The following HS3ST5 variants were observed in gnomAD, a reference collection of about 807,000 sequenced individuals.
HS3ST5 encodes heparan sulfate glucosamine 3-O-sulfotransferase 5.
HS3ST5 carries 10 observed loss-of-function variants against 25.4 expected under a neutral mutation model. The ratio of observed to expected loss-of-function variants is 0.39; its 90% CI spans 0.24 to 0.67. The LOEUF (loss-of-function observed/expected upper bound fraction) is 0.67. Among genes scored for constraint, HS3ST5 ranks in the 30% least tolerant of loss-of-function variants. The pLI is 0.44. For synonymous variants in HS3ST5, 170 were observed against 162.4 expected (o/e 1.05, Z -0.36); for missense variants, 324 against 420.7 (o/e 0.77, Z 2.01).
intron 1 of HS3ST5, among the ~76,000 whole-genome samples, chr6:114,273,182 G>A (rs187761896): frequency 6.6e-6 from 1 of 152,152 alleles, no homozygotes; most frequent in East Asian, 1.9e-4. Flanking sequence ...GTGGAGAAGG[G>A]GGTAAGTGGT....
At chr6:114,122,422 A>G (rs1193380579) in intron 3 of HS3ST5, among the ~76,000 whole-genome samples, 1 of 152,186 alleles carries the variant, frequency 6.6e-6, no homozygotes, top group African/African-American at 2.4e-5. Context: ...GGGTGGGGCT[A>G]AGTTTCAGAA....
At chr6:114,137,481 A>G (rs994785462) in intron 3 of HS3ST5, among the ~76,000 whole-genome samples, 3 of 152,158 alleles carry the variant, frequency 2.0e-5, no homozygotes, top group African/African-American at 7.2e-5. Context: ...TTGCTCCTGA[A>G]ATATCTGCTA....
At chr6:114,077,423 T>A (rs1774199472) in intron 3 of HS3ST5, among the ~76,000 whole-genome samples, 3 of 152,222 alleles carry the variant, frequency 2.0e-5, no homozygotes, top group Non-Finnish European at 2.9e-5. Flanking sequence ...TTCACTGCAT[T>A]AAACAATTGT....
At chr6:114,213,323 TG>T (rs1781600465) in intron 2 of HS3ST5, among the ~76,000 whole-genome samples, 1 of 25,756 alleles carries the variant, frequency 3.9e-5, no homozygotes, top group Non-Finnish European at 7.4e-5. Context: ...GGGGTTTTTA[TG>T]GGTACAGGAT....
At chr6:114,090,170 G>A (rs1387613649) in intron 3 of HS3ST5, among the ~76,000 whole-genome samples, 1 of 152,180 alleles carries the variant, frequency 6.6e-6, no homozygotes, top group African/African-American at 2.4e-5. Flanking sequence ...AAACAAGTAG[G>A]ATAACATTAA....
chr6:114,330,649 TC>T (rs1433168970), intron 1 of HS3ST5, among the ~76,000 whole-genome samples: 1 of 152,194 alleles, frequency 6.6e-6, no homozygotes, highest in African/African-American at 2.4e-5. Flanking sequence ...ATTTTCCTTT[TC>T]TGCACTGTAC....
intron 3 of HS3ST5, among the ~76,000 whole-genome samples, chr6:114,083,107 A>T (rs1774559315): frequency 1.3e-5 from 2 of 152,230 alleles, no homozygotes; most frequent in African/African-American, 4.8e-5. Context: ...CAAGTATAAA[A>T]CTGAGCTCGA....
At chr6:114,153,916 G>A (rs551101053) in intron 3 of HS3ST5, among the ~76,000 whole-genome samples, 17 of 152,198 alleles carry the variant, frequency 1.1e-4, no homozygotes, top group Non-Finnish European at 2.4e-4. Flanking sequence ...CGCTGTTCAC[G>A]TCCCTTCAAC....
At chr6:114,236,658 G>A (rs184950397) in intron 1 of HS3ST5, among the ~76,000 whole-genome samples, 2 of 152,222 alleles carry the variant, frequency 1.3e-5, no homozygotes, top group East Asian at 3.9e-4. Flanking sequence ...GCGCAAAAGA[G>A]AAAAATACTT....
chr6:114,223,491 T>C (rs1782135810), intron 2 of HS3ST5, among the ~76,000 whole-genome samples: 1 of 151,804 alleles, frequency 6.6e-6, no homozygotes, highest in Admixed American at 6.6e-5. Context: ...GCGAGAAGGA[T>C]AGGAAAATTA....
intron 3 of HS3ST5, among the ~76,000 whole-genome samples, chr6:114,138,077 T>G (rs753830890): frequency 6.6e-5 from 10 of 152,200 alleles, no homozygotes; most frequent in Non-Finnish European, 1.2e-4. Flanking sequence ...GTACCTTGTC[T>G]GAAGTCACAT....
intron 3 of HS3ST5, among the ~76,000 whole-genome samples, chr6:114,103,973 T>C (rs1013868765): frequency 1.3e-5 from 2 of 151,710 alleles, no homozygotes; most frequent in African/African-American, 4.8e-5. Context: ...AGTGCTGGAA[T>C]TACAGGCGTG....
intron 2 of HS3ST5, among the ~76,000 whole-genome samples, chr6:114,173,140 T>C (rs1779546432): frequency 6.6e-6 from 1 of 152,182 alleles, no homozygotes. Flanking sequence ...CATTTTTTGA[T>C]ATATTAGTAC....
intron 1 of HS3ST5, among the ~76,000 whole-genome samples, chr6:114,278,714 G>A (rs1032107096): frequency 3.3e-5 from 5 of 151,940 alleles, no homozygotes; most frequent in African/African-American, 1.2e-4. Flanking sequence ...AAACAGACAG[G>A]GAGTGATAAG....
At chr6:114,298,009 C>G (rs902376524) in intron 1 of HS3ST5, among the ~76,000 whole-genome samples, 1 of 152,142 alleles carries the variant, frequency 6.6e-6, no homozygotes. Flanking sequence ...TCCCTCTACC[C>G]CTGCTGTGAC....
intron 1 of HS3ST5, among the ~76,000 whole-genome samples, chr6:114,274,434 G>A (rs1413417445): frequency 6.6e-6 from 1 of 152,018 alleles, no homozygotes; most frequent in Non-Finnish European, 1.5e-5. Flanking sequence ...AGGTTGGTCT[G>A]CAAGGGAGCA....
At chr6:114,326,320 A>G (rs1425532768) in intron 1 of HS3ST5, among the ~76,000 whole-genome samples, 1 of 152,026 alleles carries the variant, frequency 6.6e-6, no homozygotes, top group African/African-American at 2.4e-5. Context: ...AACCTGGGAG[A>G]TGGAGTTTGC....
At chr6:114,221,893 G>C (rs901454949) in intron 2 of HS3ST5, among the ~76,000 whole-genome samples, 2 of 151,794 alleles carry the variant, frequency 1.3e-5, no homozygotes, top group African/African-American at 2.4e-5. Context: ...TCGGGAAAAA[G>C]AAAATAAATT....
intron 1 of HS3ST5, among the ~76,000 whole-genome samples, chr6:114,289,389 A>C (rs1774474716): frequency 6.6e-6 from 1 of 152,100 alleles, no homozygotes; most frequent in Non-Finnish European, 1.5e-5. Flanking sequence ...GTTCTACAAG[A>C]ACAAATAACT....
Sources: gnomAD v4.1 joint callset for allele counts (sites outside exome capture counted in the v4.1 genomes callset) on GRCh38, gnomAD v4.1.1 for gene constraint, MANE v1.5 for transcripts, NCBI Gene and HGNC (gene_info 2026-07-23, HGNC 2026-07-21) for gene names.